Variants in KSR1 observed in about 807,000 individuals in gnomAD.
KSR1 encodes the protein kinase suppressor of ras.
A neutral mutation model predicts 92.9 loss-of-function variants in KSR1; 35 were observed. That is an observed-to-expected ratio of 0.38 (90% CI 0.29 to 0.50). The LOEUF is 0.50. Among genes scored for constraint, KSR1 ranks in the 20% least tolerant of loss-of-function variants. The pLI is 0.94. For synonymous variants in KSR1, 467 were observed against 472.6 expected, an observed-to-expected ratio of 0.99 and a Z score of 0.15; for missense variants, 972 against 1,158.5, an observed-to-expected ratio of 0.84 and a Z score of 2.34.
At chr17:27,492,800 C>T (rs144367032) in intron 1 of KSR1, among the ~76,000 whole-genome samples, 13 of 152,246 alleles carry the variant, frequency 8.5e-5, no homozygotes, top group Non-Finnish European at 1.2e-4. Context: ...ATTTTGAGCC[C>T]GAGTTCCCCA....
At chr17:27,588,089 G>GC (rs1443881954) in intron 5 of KSR1, 1 of 156,604 alleles carries the variant, frequency 6.4e-6, no homozygotes, top group African/African-American at 2.4e-5. Context: ...CCAGAATTGA[G>GC]CCCCTGCACA....
intron 20 of KSR1, among the ~76,000 whole-genome samples, chr17:27,621,535 C>T (rs1325738533): frequency 6.6e-6 from 1 of 152,264 alleles, no homozygotes; most frequent in East Asian, 1.9e-4. Flanking sequence ...GTCCCTGGGT[C>T]GGAGAAAATT....
chr17:27,515,483 T>C (rs2069752199), intron 1 of KSR1, among the ~76,000 whole-genome samples: 1 of 152,188 alleles, frequency 6.6e-6, no homozygotes. Flanking sequence ...TCTAAACAAC[T>C]TAATGACTTT....
chr17:27,510,450 G>A (rs748245029), intron 1 of KSR1, among the ~76,000 whole-genome samples: 19 of 152,214 alleles, frequency 1.2e-4, no homozygotes, highest in Non-Finnish European at 2.2e-4. Flanking sequence ...AAAGCATGAG[G>A]TACCAGCATG....
chr17:27,545,210 TAAAA>T (rs1567811265), intron 1 of KSR1, among the ~76,000 whole-genome samples: 1 of 152,206 alleles, frequency 6.6e-6, no homozygotes, highest in Admixed American at 6.5e-5. Flanking sequence ...TACCGGCCTT[TAAAA>T]AAAGAAACCG....
At chr17:27,553,077 C>T (rs1200934747) in intron 2 of KSR1, among the ~76,000 whole-genome samples, 1 of 152,080 alleles carries the variant, frequency 6.6e-6, no homozygotes, top group Admixed American at 6.5e-5. Context: ...CTCTCTCCTT[C>T]TTCTTGGAAT....
intron 1 of KSR1, among the ~76,000 whole-genome samples, chr17:27,543,942 G>A (rs1002970057): frequency 1.3e-5 from 2 of 152,268 alleles, no homozygotes; most frequent in South Asian, 2.1e-4. Context: ...TCTCTGACAC[G>A]GGCAGATTCC....
At chr17:27,617,231 C>T (rs2074087720) in intron 18 of KSR1, 64 bp from the exon 19 acceptor site, 1 of 1,536,864 alleles carries the variant, frequency 6.5e-7, no homozygotes, top group East Asian at 2.3e-5. Context: ...TGTGGAGCAC[C>T]CCTACTGTGT....
At chr17:27,480,829 T>A (rs1189509419) in intron 1 of KSR1, among the ~76,000 whole-genome samples, 1 of 152,208 alleles carries the variant, frequency 6.6e-6, no homozygotes, top group Non-Finnish European at 1.5e-5. Context: ...GTAGGACCCA[T>A]TGAGTAGTTT....
chr17:27,501,516 G>T (rs1048026815), intron 1 of KSR1, among the ~76,000 whole-genome samples: 8 of 152,036 alleles, frequency 5.3e-5, no homozygotes, highest in Admixed American at 5.2e-4. Context: ...TGGAGGCCTA[G>T]GAGGAAAAAA....
Position 27,594,511 on chromosome 17 carries a change from G to C in KSR1, c.1299+1885G>C, listed in dbSNP as rs73983662. Among the ~76,000 whole-genome samples, 1,019 of 152,072 alleles carry C rather than the reference G, an allele frequency of 6.7e-3. 11 individuals carry two copies. Among genetic ancestry groups the C allele is most frequent in the African/African-American group, 0.023 (951 of 41,482 alleles). The stretch of plus-strand genomic sequence containing the variant: ...GCCCTCCTCACAGCACTCTCTCTCT[G>C]TCCCAACTTCCCCATGAGCCCCTCC... On this transcript the variant is annotated intron_variant, in intron 9 of 20. Coordinates refer to ENST00000644974, the MANE Select transcript of KSR1 (RefSeq NM_001394583.1).
At chr17:27,476,488 C>G (rs1567745963) in intron 1 of KSR1, among the ~76,000 whole-genome samples, 1 of 152,166 alleles carries the variant, frequency 6.6e-6, no homozygotes, top group East Asian at 1.9e-4. Context: ...AGGGAGCGCC[C>G]CTGCCTGTTT....
intron 18 of KSR1, among the ~76,000 whole-genome samples, chr17:27,616,882 T>C (rs2074074910): frequency 6.6e-6 from 1 of 152,224 alleles, no homozygotes; most frequent in Non-Finnish European, 1.5e-5. Context: ...ATTCTAGTAA[T>C]GCTGAGGCTC....
intron 3 of KSR1, among the ~76,000 whole-genome samples, chr17:27,582,240 A>C (rs888676277): frequency 2.6e-5 from 4 of 152,160 alleles, no homozygotes; most frequent in Non-Finnish European, 2.9e-5. Flanking sequence ...TAGAACAAGA[A>C]GTGTTTTAGA....
At chr17:27,618,037 G>C (rs1005839338) in intron 19 of KSR1, among the ~76,000 whole-genome samples, 7 of 152,228 alleles carry the variant, frequency 4.6e-5, no homozygotes, top group Admixed American at 1.3e-4. Context: ...AGGACTAGAA[G>C]GCTCTGCTGA....
chr17:27,588,529 C>A lies in KSR1; in HGVS notation c.1040C>A (p.Thr347Lys). Residue 347 changes from threonine (T) to lysine (K), a missense_variant, in exon 6 of 21, where the codon ACG becomes AAG. Thr to Lys is a moderately conservative substitution (Grantham distance 78). Around this residue, in one of 5 missense-constraint regions of KSR1, gnomAD observed 611 missense variants for 668.0 expected, o/e 0.91. Transcript: ENST00000644974. The stretch of plus-strand genomic sequence containing the variant: ...CGGAGGGATATCGGGCTGTCGGTGA[C>A]GCACAGGTAGGCACAGCGGGCCTGG... ...MVRRDIGLSVTHRFSTKSWLS... is the reference protein window; with the variant it reads ...MVRRDIGLSVKHRFSTKSWLS... 6.3e-7 allele frequency: 1 copy of A among 1,593,388 alleles called. No individual in the cohort carries two copies. Among genetic ancestry groups the A allele is most frequent in the Non-Finnish European group, 8.5e-7 (1 of 1,170,150 alleles).
chr17:27,461,795 C>G (rs1330665162), intron 1 of KSR1, among the ~76,000 whole-genome samples: 1 of 146,354 alleles, frequency 6.8e-6, no homozygotes, highest in South Asian at 2.2e-4. Context: ...AGGGTTGTTT[C>G]CTCTTCTTGG....
intron 1 of KSR1, among the ~76,000 whole-genome samples, chr17:27,481,140 C>A (rs1197424019): frequency 6.6e-6 from 1 of 152,174 alleles, no homozygotes; most frequent in African/African-American, 2.4e-5. Context: ...GTTAGATACT[C>A]AGCTTTGTTT....
chr17:27,622,112 C>T (rs774641247), intron 20 of KSR1: 29 of 642,766 alleles, frequency 4.5e-5, no homozygotes, highest in African/African-American at 7.3e-5. Flanking sequence ...AACTGGCCCT[C>T]TGCCCTCTCC....
Sources: allele counts gnomAD v4.1 joint callset (sites outside exome capture counted in the v4.1 genomes callset), GRCh38; gene constraint gnomAD v4.1.1; regional missense constraint gnomAD v4.1.1; transcripts MANE v1.5; gene names NCBI Gene and HGNC (gene_info 2026-07-23, HGNC 2026-07-21).